RIMKLA: variants seen among roughly 807,000 people sequenced by gnomAD.
RIMKLA encodes the protein N-acetylaspartylglutamate synthase A.
Under a neutral mutation model 32.7 loss-of-function variants are expected in RIMKLA, and 14 were observed. The observed-to-expected ratio is 0.43, with a 90% confidence interval of 0.28 to 0.67. The LOEUF is 0.67. Among genes scored for constraint, RIMKLA ranks in the 30% least tolerant of loss-of-function variants. RIMKLA has a pLI of 0.18. For synonymous variants in RIMKLA, 176 were observed against 204.1 expected (o/e 0.86, Z 1.18); for missense variants, 410 against 519.0 (o/e 0.79, Z 2.04).
intron 2 of RIMKLA, among the ~76,000 whole-genome samples, chr1:42,402,446 C>T (rs572870970): frequency 6.6e-5 from 10 of 152,222 alleles, no homozygotes; most frequent in African/African-American, 2.4e-4. Context: ...CATTGTGTTG[C>T]CATGTGAGGA....
intron 4 of RIMKLA, among the ~76,000 whole-genome samples, chr1:42,413,698 C>T (rs935140979): frequency 4.0e-5 from 6 of 151,124 alleles, no homozygotes; most frequent in African/African-American, 1.5e-4. Flanking sequence ...GTCTTTAATC[C>T]CCTGTTTTCC....
At chr1:42,392,828 C>CAAAAAATACA (rs1643011613) in intron 1 of RIMKLA, among the ~76,000 whole-genome samples, 1 of 152,020 alleles carries the variant, frequency 6.6e-6, no homozygotes, top group Admixed American at 6.6e-5. Context: ...CCCGTCTCTA[C>CAAAAAATACA]AAAAAATACA....
intron 1 of RIMKLA, among the ~76,000 whole-genome samples, chr1:42,395,468 C>T (rs906532557): frequency 1.3e-5 from 2 of 151,906 alleles, no homozygotes; most frequent in African/African-American, 4.8e-5. Flanking sequence ...GCCTCTCCCT[C>T]TCCCCAAGTT....
At chr1:42,406,512 C>T (rs1199699004) in intron 3 of RIMKLA, among the ~76,000 whole-genome samples, 2 of 152,200 alleles carry the variant, frequency 1.3e-5, no homozygotes, top group South Asian at 2.1e-4. Context: ...GCTTCTTTCA[C>T]TTAGCATGAT....
At chr1:42,411,094 C>T (rs1250099827) in intron 4 of RIMKLA, among the ~76,000 whole-genome samples, 1 of 152,090 alleles carries the variant, frequency 6.6e-6, no homozygotes, top group Non-Finnish European at 1.5e-5. Flanking sequence ...TTTTGGAAGG[C>T]CAAGGCAGGA....
At chr1:42,384,800 C>T (rs2148382080) in intron 1 of RIMKLA, among the ~76,000 whole-genome samples, 1 of 152,092 alleles carries the variant, frequency 6.6e-6, no homozygotes, top group South Asian at 2.1e-4. Flanking sequence ...TCCTCTCTTC[C>T]ACTTTATCCC....
intron 1 of RIMKLA, among the ~76,000 whole-genome samples, chr1:42,389,195 A>G (rs1642976129): frequency 6.6e-6 from 1 of 152,204 alleles, no homozygotes; most frequent in Admixed American, 6.5e-5. Context: ...CAGGTGAGGA[A>G]TATCAGAACT....
In RIMKLA at chr1:42,385,838, T is replaced by TCTCTCTC. The variant is rs1557749878; in HGVS notation, c.163+4741_163+4742insCTCTCTC. Reference sequence around the variant, plus strand: ...TTCCTTCCTTCCTTCCTTTCTTTCTTTCTTTCTCTTTCTTTCTTTCTTTCT... The same window carrying TCTCTCTC: ...TTCCTTCCTTCCTTCCTTTCTTTCTTCTCTCTCTCTTTCTCTTTCTTTCTTTCTTTCT... On this transcript the variant is annotated intron_variant, in intron 1 of 4. Transcript: ENST00000431473. Among the ~76,000 whole-genome samples the TCTCTCTC allele has an allele frequency of 1.3e-4, 9 of 69,488 alleles. 2 individuals carry two copies. The highest frequency in any genetic ancestry group is 2.2e-4 in the African/African-American group (5 of 22,522). 45.6% of individuals were successfully genotyped at this position (69,488 alleles called of 152,430 possible). A position where few individuals can be genotyped will look rare whatever the true frequency, so the allele number is the denominator to read the frequency against.
At position 42,418,346 on chromosome 1, in the gene RIMKLA, A is replaced by G. The variant is rs1643268462; in HGVS notation, c.*3372A>G. The G allele has an allele frequency of 6.6e-6, 1 of 152,214 alleles. No individual in the cohort carries two copies. Among genetic ancestry groups the G allele is most frequent in the Non-Finnish European group, 1.5e-5 (1 of 68,062 alleles). The allele number at this position is 152,214 out of a possible 1,614,324, so 9.4% of individuals were successfully genotyped here. On this transcript the variant is annotated 3_prime_UTR_variant, in exon 5 of 5. Coordinates refer to ENST00000431473, the MANE Select transcript of RIMKLA (RefSeq NM_173642.4). ...TGCCAGAATGAGGATTTGGGGCTTT[A>G]GGTCTTTCGGATCTCAGAAACAATA... is the stretch of plus-strand genomic sequence containing the variant.
intron 1 of RIMKLA, 73 bp downstream of exon 1, chr1:42,381,170 C>G: frequency 1.8e-6 from 2 of 1,135,134 alleles, no homozygotes; most frequent in Non-Finnish European, 1.1e-6. Context: ...TGGGCGCGCT[C>G]GCCGGGCCTC....
At chr1:42,409,762 G>A (rs1171467458) in intron 3 of RIMKLA, among the ~76,000 whole-genome samples, 3 of 152,190 alleles carry the variant, frequency 2.0e-5, no homozygotes, top group Admixed American at 1.3e-4. Context: ...TTCAAAAAGA[G>A]TGATGGTGGA....
intron 4 of RIMKLA, among the ~76,000 whole-genome samples, chr1:42,411,214 T>C (rs1344783288): frequency 6.6e-6 from 1 of 151,898 alleles, no homozygotes; most frequent in Non-Finnish European, 1.5e-5. Context: ...ATGCCTGTAG[T>C]CCCAGCTGAA....
At chr1:42,405,873 GAGCAACACACAGA>G (rs2148392525) in intron 3 of RIMKLA, among the ~76,000 whole-genome samples, 1 of 152,266 alleles carries the variant, frequency 6.6e-6, no homozygotes, top group East Asian at 1.9e-4. Flanking sequence ...GGAAGTGAGT[GAGCAACACACAGA>G]AGCAAGGGTA....
chr1:42,417,645 G>A lies in RIMKLA; in HGVS notation c.*2671G>A, dbSNP rs1437977371. On this transcript the variant is annotated 3_prime_UTR_variant, in exon 5 of 5. Coordinates refer to ENST00000431473, the MANE Select transcript of RIMKLA (RefSeq NM_173642.4). Reference sequence around the variant, plus strand: ...ACCTCCCACATCTGATTTTATAACAGTTTCCCATCACTCCTTAAAGAAAAA... The same window carrying A: ...ACCTCCCACATCTGATTTTATAACAATTTCCCATCACTCCTTAAAGAAAAA... 3.3e-5 allele frequency: 5 copies of A among 152,234 alleles called. No homozygotes were observed. The highest frequency in any genetic ancestry group is 1.2e-4 in the African/African-American group (5 of 41,460). The allele number at this position is 152,234 out of a possible 1,614,324, so 9.4% of individuals were successfully genotyped here. A position where few individuals can be genotyped will look rare whatever the true frequency, so the allele number is the denominator to read the frequency against.
Position 42,404,553 on chromosome 1 carries a change from C to G in RIMKLA, c.437C>G (p.Pro146Arg). The G allele has an allele frequency of 6.2e-7, 1 of 1,613,712 alleles. No individual in the cohort carries two copies. Among genetic ancestry groups the G allele is most frequent in the Non-Finnish European group, 8.5e-7 (1 of 1,179,878 alleles). The part of the protein sequence containing the change: ...DFSKMIDEAE[P>R]LGYPVVVKST... ...TCAAAAATGATTGATGAAGCTGAGC[C>G]CCTGGGCTACCCAGTCGTGGTGAAG... Residue 146 changes from proline (P) to arginine (R), a missense_variant, in exon 3 of 5, where the codon CCC (proline) becomes CGC (arginine). Pro to Arg is a moderately radical substitution (Grantham distance 103). Transcript: ENST00000431473.
chr1:42,412,379 A>G, intron 4 of RIMKLA: 1 of 210,828 alleles, frequency 4.7e-6, no homozygotes, highest in South Asian at 6.0e-5. Flanking sequence ...ATTTATAAAT[A>G]TTAATATCTA....
Position 42,415,085 on chromosome 1 carries a change from A to C in RIMKLA, c.*111A>C. 8.4e-7 allele frequency: 1 copy of C among 1,195,808 alleles called. No individual in the cohort carries two copies. The highest frequency in any genetic ancestry group is 2.4e-5 in the East Asian group (1 of 42,390). 74.1% of individuals were successfully genotyped at this position (1,195,808 alleles called of 1,614,324 possible). A position where few individuals can be genotyped will look rare whatever the true frequency, so the allele number is the denominator to read the frequency against. On this transcript the variant is annotated 3_prime_UTR_variant, in exon 5 of 5. Transcript: ENST00000431473. ...CATTTGCACAGAAACTAGAAATCCC[A>C]TCTGGGCACTCAGCATTTTTTCTAA...
Position 42,381,054 on chromosome 1 carries a change from G to A in RIMKLA, c.120G>A (p.Val40=). Residue 40 remains valine (V), a synonymous_variant, in exon 1 of 5, where the codon GTG becomes GTA. Transcript: ENST00000431473. ...CSEQDVRFRA[V]LMDQIAVTIV... Reference sequence around the variant, plus strand: ...AGCAGGACGTGCGCTTCCGGGCGGTGCTTATGGACCAGATCGCCGTCACCA... The same window carrying A: ...AGCAGGACGTGCGCTTCCGGGCGGTACTTATGGACCAGATCGCCGTCACCA... 7.6e-7 allele frequency: 1 copy of A among 1,323,706 alleles called. No homozygotes were observed. The highest frequency in any genetic ancestry group is 9.7e-7 in the Non-Finnish European group (1 of 1,033,146). 82.0% of individuals were successfully genotyped at this position (1,323,706 alleles called of 1,614,324 possible).
chr1:42,400,045 G>T (rs1013451133), intron 2 of RIMKLA, among the ~76,000 whole-genome samples: 1 of 152,166 alleles, frequency 6.6e-6, no homozygotes, highest in African/African-American at 2.4e-5. Flanking sequence ...AGACATTGAG[G>T]AAGTCTTCCT....
Sources: gnomAD v4.1 joint callset for allele counts (sites outside exome capture counted in the v4.1 genomes callset) on GRCh38, gnomAD v4.1.1 for gene constraint, MANE v1.5 for transcripts, NCBI Gene and HGNC (gene_info 2026-07-23, HGNC 2026-07-21) for gene names.